UNC13C: variants seen among roughly 807,000 people sequenced by gnomAD.
UNC13C encodes unc-13 homolog C.
UNC13C carries 174 observed loss-of-function variants against 245.4 expected under a neutral mutation model. The observed-to-expected ratio is 0.71, with a 90% CI of 0.63 to 0.80. UNC13C has a LOEUF of 0.80. UNC13C is among the 30% of genes least tolerant of loss of function. The pLI is 0.00. For missense variants in UNC13C, 2,829 were observed against 2,602.9 expected (o/e 1.09, Z -1.89); for synonymous variants, 992 against 895.1 (o/e 1.11, Z -1.93).
At chr15:54,525,460 T>C in intron 24 of UNC13C, 89 bp from the exon 25 acceptor site, 1 of 804,702 alleles carries the variant, frequency 1.2e-6, no homozygotes, top group Non-Finnish European at 1.9e-6. Flanking sequence ...TGTTTGAAGT[T>C]ACCATATAAT....
intron 30 of UNC13C, among the ~76,000 whole-genome samples, chr15:54,597,255 C>T (rs1899138886): frequency 6.6e-6 from 1 of 152,144 alleles, no homozygotes. Context: ...AGGCCACAGA[C>T]CGGTATCATT....
At chr15:54,282,664 C>T (rs1311465522) in intron 10 of UNC13C, among the ~76,000 whole-genome samples, 1 of 152,276 alleles carries the variant, frequency 6.6e-6, no homozygotes, top group African/African-American at 2.4e-5. Context: ...CTGACAAGTG[C>T]AAGGGGCCAG....
intron 2 of UNC13C, among the ~76,000 whole-genome samples, chr15:54,125,467 GATAATA>G (rs1291287342): frequency 7.2e-5 from 11 of 151,818 alleles, no homozygotes; most frequent in South Asian, 4.2e-4. Context: ...CATCTAAAAA[GATAATA>G]ATAATAATAA....
chr15:54,464,168 C>G (rs1023738305), intron 19 of UNC13C, among the ~76,000 whole-genome samples: 1 of 152,104 alleles, frequency 6.6e-6, no homozygotes. Context: ...TCAATATTTA[C>G]TAATATCCTA....
At chr15:54,290,842 G>T (rs2037277842) in intron 10 of UNC13C, among the ~76,000 whole-genome samples, 1 of 151,944 alleles carries the variant, frequency 6.6e-6, no homozygotes, top group Non-Finnish European at 1.5e-5. Context: ...GCTATTTATT[G>T]TGCCTGCTAT....
rs765683670 is a variant in UNC13C, at chr15:54,014,731, G to C, written c.1828G>C (p.Val610Leu). The stretch of plus-strand genomic sequence containing the variant: ...CAAGGACCAGCATTTGAATGGAGGT[G>C]TTCAGGGTATCCAAGGGCAGACTGA... ...SPKDQHLNGG[V>L]QGIQGQTETE... Residue 610 changes from valine to leucine, a missense_variant, in exon 2 of 33, where the codon GTT becomes CTT. Physicochemically the swap from Val to Leu is conservative, Grantham distance 32. Coordinates refer to ENST00000260323, the MANE Select transcript of UNC13C (RefSeq NM_001080534.3). 6.2e-7 allele frequency: 1 copy of C among 1,613,856 alleles called. No homozygotes were observed.
At chr15:53,838,325 T>G in the UNC13C span, among the ~76,000 whole-genome samples, 7 of 152,258 alleles carry the variant, frequency 4.6e-5, no homozygotes, top group Admixed American at 3.9e-4. Flanking sequence ...TTTATATTTT[T>G]TAGAAGGCTT....
intron 29 of UNC13C, among the ~76,000 whole-genome samples, chr15:54,560,936 T>C (rs747245267): frequency 3.9e-5 from 6 of 152,170 alleles, no homozygotes; most frequent in African/African-American, 1.4e-4. Context: ...TATTGCCTGA[T>C]GATTGGTTCA....
intron 2 of UNC13C, among the ~76,000 whole-genome samples, chr15:54,110,933 A>G (rs1567021820): frequency 6.6e-6 from 1 of 152,202 alleles, no homozygotes; most frequent in Non-Finnish European, 1.5e-5. Flanking sequence ...ACTTCCTTTA[A>G]TGAGAAATAC....
chr15:54,534,077 G>GTGC (rs796378440), intron 26 of UNC13C, among the ~76,000 whole-genome samples: 9 of 152,282 alleles, frequency 5.9e-5, no homozygotes, highest in African/African-American at 1.9e-4. Context: ...TCACCCCACT[G>GTGC]TGCTGCTGCT....
intron 2 of UNC13C, among the ~76,000 whole-genome samples, chr15:54,122,108 T>C (rs1454834557): frequency 6.6e-6 from 1 of 151,968 alleles, no homozygotes; most frequent in African/African-American, 2.4e-5. Context: ...AAATTATGAT[T>C]TTGTTGCAAT....
chr15:54,018,769 A>G (rs1016858100), intron 2 of UNC13C, among the ~76,000 whole-genome samples: 1 of 152,056 alleles, frequency 6.6e-6, no homozygotes, highest in African/African-American at 2.4e-5. Context: ...ATTTATGTGC[A>G]TTTCTCATTT....
At chr15:53,869,871 T>C in the UNC13C span, among the ~76,000 whole-genome samples, 17 of 152,340 alleles carry the variant, frequency 1.1e-4, no homozygotes, top group Admixed American at 5.9e-4. Flanking sequence ...GATCAAAGGT[T>C]GGTCTTGGGA....
chr15:54,480,194 AT>A (rs1397081099), intron 19 of UNC13C, among the ~76,000 whole-genome samples: 1 of 151,972 alleles, frequency 6.6e-6, no homozygotes, highest in Non-Finnish European at 1.5e-5. Flanking sequence ...AGCTTCCTGT[AT>A]TTGAATGTCC....
intron 18 of UNC13C, among the ~76,000 whole-genome samples, chr15:54,408,319 G>A (rs988143771): frequency 2.0e-5 from 3 of 147,730 alleles, no homozygotes; most frequent in Non-Finnish European, 4.5e-5. Flanking sequence ...ACGTTACTAA[G>A]TCTAAAATGA....
At chr15:54,215,086 T>G (rs796739814) in intron 4 of UNC13C, among the ~76,000 whole-genome samples, 92 of 152,008 alleles carry the variant, frequency 6.1e-4, no homozygotes, top group African/African-American at 1.7e-3. Flanking sequence ...GTTTTTGGTA[T>G]AGGTAATTGC....
intron 7 of UNC13C, among the ~76,000 whole-genome samples, chr15:54,248,428 A>T (rs1396099455): frequency 1.3e-5 from 2 of 152,166 alleles, no homozygotes; most frequent in Non-Finnish European, 2.9e-5. Context: ...TATTTTAATG[A>T]TAGTGAAGAT....
At chr15:54,195,498 G>A (rs904248401) in intron 4 of UNC13C, among the ~76,000 whole-genome samples, 6 of 152,112 alleles carry the variant, frequency 3.9e-5, no homozygotes, top group Admixed American at 2.6e-4. Context: ...TTTGGATAGC[G>A]AGGTGGTAGA....
intron 19 of UNC13C, among the ~76,000 whole-genome samples, chr15:54,424,654 A>G (rs963053416): frequency 6.6e-6 from 1 of 151,690 alleles, no homozygotes; most frequent in African/African-American, 2.4e-5. Flanking sequence ...GTGGTGAGTA[A>G]CTTCACAGAC....
Sources: allele counts gnomAD v4.1 joint callset (sites outside exome capture counted in the v4.1 genomes callset), GRCh38; gene constraint gnomAD v4.1.1; transcripts MANE v1.5; gene names NCBI Gene and HGNC (gene_info 2026-07-23, HGNC 2026-07-21).